The following SLIT3 variants were observed in gnomAD, a reference collection of about 807,000 sequenced individuals.
SLIT3 encodes slit guidance ligand 3, also known as slit homolog 3 protein.
Under a neutral mutation model 184.0 loss-of-function variants are expected in SLIT3, and 68 were observed. The ratio of observed to expected loss-of-function variants is 0.37; its 90% CI spans 0.30 to 0.45. The LOEUF (loss-of-function observed/expected upper bound fraction) is 0.45, where lower values mean the gene tolerates loss of function less well. SLIT3 is among the 20% of genes least tolerant of loss of function. The probability of loss-of-function intolerance (pLI) is 1.00; values close to 1 mark genes in which losing one functional copy is unlikely to be tolerated. For missense variants in SLIT3, 1,707 were observed against 2,026.0 expected, an observed-to-expected ratio of 0.84 and a Z score of 3.02; for synonymous variants, 831 against 828.6, an observed-to-expected ratio of 1.00 and a Z score of -0.05.
At chr5:169,241,171 C>T (rs1765393307) in intron 3 of SLIT3, among the ~76,000 whole-genome samples, 1 of 152,130 alleles carries the variant, frequency 6.6e-6, no homozygotes, top group African/African-American at 2.4e-5. Flanking sequence ...TAACTTTTTC[C>T]TATATCCCAT....
At chr5:168,961,401 T>C (rs146704465) in intron 4 of SLIT3, among the ~76,000 whole-genome samples, 88 of 152,352 alleles carry the variant, frequency 5.8e-4, no homozygotes, top group African/African-American at 1.6e-3. Flanking sequence ...AGACAGACTC[T>C]ATGCTGTTTC....
At chr5:169,079,909 AGAG>A (rs568610871) in intron 4 of SLIT3, among the ~76,000 whole-genome samples, 2 of 114,512 alleles carry the variant, frequency 1.7e-5, no homozygotes, top group Non-Finnish European at 3.6e-5. Context: ...GTGAAGAAGA[AGAG>A]GAGGAAGAGG....
At chr5:169,198,008 T>C (rs960923568) in intron 3 of SLIT3, among the ~76,000 whole-genome samples, 1 of 152,186 alleles carries the variant, frequency 6.6e-6, no homozygotes, top group African/African-American at 2.4e-5. Flanking sequence ...CATTCATCCA[T>C]CCAACTGTTC....
intron 4 of SLIT3, among the ~76,000 whole-genome samples, chr5:168,934,405 T>C (rs1326510522): frequency 6.6e-6 from 1 of 152,200 alleles, no homozygotes; most frequent in Non-Finnish European, 1.5e-5. Flanking sequence ...GGTGGAACTA[T>C]GGGAGAGAAA....
intron 4 of SLIT3, among the ~76,000 whole-genome samples, chr5:168,949,757 A>T (rs987224567): frequency 1.1e-4 from 17 of 151,826 alleles, no homozygotes. Context: ...ACGCCACCAC[A>T]CCCAGCTAAT....
intron 29 of SLIT3, among the ~76,000 whole-genome samples, chr5:168,689,562 A>T (rs745379280): frequency 5.3e-4 from 80 of 152,322 alleles, no homozygotes; most frequent in South Asian, 1.7e-3. Flanking sequence ...AGATTGTTGG[A>T]TGTTGGATAA....
At chr5:169,193,451 G>C in intron 4 of SLIT3, 28 bp downstream of exon 4, 2 of 1,599,728 alleles carry the variant, frequency 1.3e-6, no homozygotes, top group Non-Finnish European at 8.6e-7. Flanking sequence ...AAGGCACAAG[G>C]TAGAGAACAC....
At chr5:169,160,309 A>T (rs1201307108) in intron 4 of SLIT3, among the ~76,000 whole-genome samples, 1 of 152,222 alleles carries the variant, frequency 6.6e-6, no homozygotes, top group Non-Finnish European at 1.5e-5. Context: ...GACTTGCCTA[A>T]GGGCACACAT....
chr5:168,809,933 G>C (rs1382500974), intron 8 of SLIT3, among the ~76,000 whole-genome samples: 1 of 152,126 alleles, frequency 6.6e-6, no homozygotes, highest in Non-Finnish European at 1.5e-5. Flanking sequence ...GTGGGAGATG[G>C]GACTCTGTCT....
intron 12 of SLIT3, among the ~76,000 whole-genome samples, chr5:168,783,061 G>A (rs1434080962): frequency 6.6e-6 from 1 of 152,138 alleles, no homozygotes; most frequent in African/African-American, 2.4e-5. Flanking sequence ...ATCAGCAAAC[G>A]AGTGACAGAA....
chr5:168,914,148 A>AT (rs1440296187), intron 4 of SLIT3, among the ~76,000 whole-genome samples: 5 of 152,228 alleles, frequency 3.3e-5, no homozygotes, highest in Non-Finnish European at 4.4e-5. Flanking sequence ...GTCTTGGAAT[A>AT]TTTTGTGAAT....
chr5:169,061,320 G>A (rs1305230350), intron 4 of SLIT3, among the ~76,000 whole-genome samples: 1 of 152,186 alleles, frequency 6.6e-6, no homozygotes, highest in Non-Finnish European at 1.5e-5. Flanking sequence ...GCTGGAAGAT[G>A]CTGTGCAGGT....
At chr5:168,711,182 G>A in intron 24 of SLIT3, 124 bp from the exon 25 acceptor site, 1 of 827,654 alleles carries the variant, frequency 1.2e-6, no homozygotes, top group Non-Finnish European at 1.8e-6. Flanking sequence ...TATGGGGCCA[G>A]CGGAGTAGTC....
intron 4 of SLIT3, among the ~76,000 whole-genome samples, chr5:168,908,088 T>C (rs1761139151): frequency 6.6e-6 from 1 of 151,306 alleles, no homozygotes; most frequent in Non-Finnish European, 1.5e-5. Flanking sequence ...AAGGAGACTT[T>C]CATTTTATAC....
At chr5:168,816,376 G>A (rs929980244) in intron 8 of SLIT3, among the ~76,000 whole-genome samples, 3 of 151,992 alleles carry the variant, frequency 2.0e-5, no homozygotes, top group Non-Finnish European at 2.9e-5. Flanking sequence ...TAGTAGAGAC[G>A]GGGTTTCACC....
At chr5:169,147,452 G>T (rs914443617) in intron 4 of SLIT3, among the ~76,000 whole-genome samples, 1 of 152,000 alleles carries the variant, frequency 6.6e-6, no homozygotes, top group Non-Finnish European at 1.5e-5. Flanking sequence ...CTACAGACAG[G>T]GTTTGATCGT....
chr5:169,022,117 C>T (rs1756621341), intron 4 of SLIT3: 1 of 152,238 alleles, frequency 6.6e-6, no homozygotes, highest in Non-Finnish European at 1.5e-5. Flanking sequence ...ATTCCCTTGC[C>T]TCCATGCCAC....
intron 1 of SLIT3, among the ~76,000 whole-genome samples, chr5:169,256,499 C>T (rs1290072773): frequency 2.0e-5 from 3 of 152,148 alleles, no homozygotes; most frequent in African/African-American, 4.8e-5. Context: ...CACGCAACAA[C>T]GAAATTGCCA....
chr5:168,860,671 T>C (rs1425108737), intron 5 of SLIT3, among the ~76,000 whole-genome samples: 4 of 152,056 alleles, frequency 2.6e-5, no homozygotes, highest in Non-Finnish European at 5.9e-5. Context: ...ACCAGCTGTA[T>C]CTAGCTCACA....
Sources: allele counts gnomAD v4.1 joint callset (sites outside exome capture counted in the v4.1 genomes callset), GRCh38; gene constraint gnomAD v4.1.1; transcripts MANE v1.5; gene names NCBI Gene and HGNC (gene_info 2026-07-23, HGNC 2026-07-21).